CNTLN: variants seen among roughly 807,000 people sequenced by gnomAD.
CNTLN encodes centlein, also known as centlein, centrosomal protein.
A neutral mutation model predicts 180.0 loss-of-function variants in CNTLN; 212 were observed. The ratio of observed to expected loss-of-function variants is 1.18; its 90% CI spans 1.05 to 1.32. The LOEUF (loss-of-function observed/expected upper bound fraction) is 1.32. CNTLN is among the 40% of genes most tolerant of loss of function. The pLI, the probability that CNTLN is intolerant of heterozygous loss-of-function variation, is 0.00. For missense variants in CNTLN, 2,095 were observed against 1,610.9 expected (o/e 1.30, Z -5.14); for synonymous variants, 722 against 563.1 (o/e 1.28, Z -3.99).
At chr9:17,493,242 A>G (rs1047767319) in intron 25 of CNTLN, among the ~76,000 whole-genome samples, 1 of 152,192 alleles carries the variant, frequency 6.6e-6, no homozygotes, top group African/African-American at 2.4e-5. Context: ...TATCATTTCT[A>G]TAACATAAAA....
intron 18 of CNTLN, among the ~76,000 whole-genome samples, chr9:17,419,291 G>T (rs1255080782): frequency 6.6e-6 from 1 of 152,032 alleles, no homozygotes; most frequent in African/African-American, 2.4e-5. Flanking sequence ...ATTTTGAAAT[G>T]CGCTATAGCC....
downstream of CNTLN, among the ~76,000 whole-genome samples, chr9:17,504,533 A>G (rs1833896912): frequency 6.6e-6 from 1 of 152,180 alleles, no homozygotes; most frequent in African/African-American, 2.4e-5. Flanking sequence ...GTGTTACTTT[A>G]TATGTCAAAA....
At chr9:17,136,642 T>C (rs1360153862) in intron 1 of CNTLN, among the ~76,000 whole-genome samples, 1 of 152,218 alleles carries the variant, frequency 6.6e-6, no homozygotes, top group African/African-American at 2.4e-5. Context: ...TGTTGGATTC[T>C]TTTGCCCATT....
chr9:17,226,698 GT>G (rs1328431494), intron 3 of CNTLN, among the ~76,000 whole-genome samples: 2 of 151,846 alleles, frequency 1.3e-5, no homozygotes, highest in Non-Finnish European at 2.9e-5. Context: ...ATATTAGGCT[GT>G]TCTTCCACTG....
At chr9:17,208,545 T>C (rs1823078440) in intron 2 of CNTLN, among the ~76,000 whole-genome samples, 1 of 152,192 alleles carries the variant, frequency 6.6e-6, no homozygotes, top group Non-Finnish European at 1.5e-5. Context: ...TGATTGGTAT[T>C]AGTTCTTTAA....
intron 2 of CNTLN, among the ~76,000 whole-genome samples, chr9:17,185,825 C>T (rs1421121482): frequency 2.4e-5 from 3 of 127,130 alleles, no homozygotes; most frequent in South Asian, 2.7e-4. Context: ...CAGGGTCCTG[C>T]TCTGTTGCCC....
chr9:17,225,403 T>G (rs1824402911), intron 2 of CNTLN, among the ~76,000 whole-genome samples: 1 of 152,086 alleles, frequency 6.6e-6, no homozygotes, highest in South Asian at 2.1e-4. Flanking sequence ...TTTTGTTTAA[T>G]TTGTGATTCT....
At chr9:17,279,373 C>G (rs1231223717) in intron 6 of CNTLN, among the ~76,000 whole-genome samples, 2 of 152,148 alleles carry the variant, frequency 1.3e-5, no homozygotes, top group Non-Finnish European at 2.9e-5. Context: ...CCAGGGCCTT[C>G]CCTATTGCTA....
chr9:17,288,453 G>A (rs972267091), intron 6 of CNTLN, among the ~76,000 whole-genome samples: 1 of 142,412 alleles, frequency 7.0e-6, no homozygotes, highest in East Asian at 2.0e-4. Context: ...TGGAATAGGT[G>A]TGGTGTGGTG....
rs1818207032 is a variant in CNTLN at position 17,299,606 on chromosome 9, T to C, written c.1146+1254T>C. 7.1e-6 allele frequency: 7 copies of C among 985,282 alleles called. No homozygotes were observed. The South Asian group carries it at 3.3e-4, about 46-fold the overall frequency. The allele number at this position is 985,282 out of a possible 1,614,324, so 61.0% of individuals were successfully genotyped here. A position where few individuals can be genotyped will look rare whatever the true frequency, so the allele number is the denominator to read the frequency against. ...TGTGTTTTCCCAAGGACCTAGATGA[T>C]AGCAAGCAGGAAGATACAGTCTTCC... is the stretch of plus-strand genomic sequence containing the variant. On this transcript the variant is annotated intron_variant, in intron 7 of 25. Coordinates refer to ENST00000380647, the MANE Select transcript of CNTLN (RefSeq NM_017738.4).
At chr9:17,495,011 T>G (rs1272019839) in intron 25 of CNTLN, 2 of 432,944 alleles carry the variant, frequency 4.6e-6, no homozygotes, top group South Asian at 3.3e-5. Flanking sequence ...CCTGAGTAGC[T>G]GGGACTACAG....
intron 10 of CNTLN, among the ~76,000 whole-genome samples, chr9:17,338,159 CT>C (rs1564006823): frequency 6.8e-6 from 1 of 147,020 alleles, no homozygotes; most frequent in African/African-American, 2.5e-5. Context: ...TTCTTTCTTT[CT>C]TTTTCTTTCT....
At chr9:17,302,742 C>G (rs1207305893) in intron 7 of CNTLN, among the ~76,000 whole-genome samples, 4 of 152,028 alleles carry the variant, frequency 2.6e-5, no homozygotes, top group African/African-American at 4.8e-5. Flanking sequence ...TTACTCTAGT[C>G]CATTTAATGT....
At chr9:17,473,979 G>A (rs972205058) in intron 23 of CNTLN, among the ~76,000 whole-genome samples, 16 of 152,110 alleles carry the variant, frequency 1.1e-4, no homozygotes, top group South Asian at 6.2e-4. Context: ...ACATCTAGCC[G>A]GTCTTCTCTG....
At chr9:17,175,725 A>G (rs1398254375) in intron 2 of CNTLN, among the ~76,000 whole-genome samples, 1 of 152,074 alleles carries the variant, frequency 6.6e-6, no homozygotes, top group Non-Finnish European at 1.5e-5. Context: ...TTGGGGGAGA[A>G]TTGTTGACTC....
chr9:17,150,695 T>C (rs923133874), intron 2 of CNTLN, among the ~76,000 whole-genome samples: 1 of 152,180 alleles, frequency 6.6e-6, no homozygotes, highest in Non-Finnish European at 1.5e-5. Flanking sequence ...AGAAAGTCAG[T>C]GGTAGCTTGA....
chr9:17,455,038 T>A (rs1831030862), intron 18 of CNTLN, among the ~76,000 whole-genome samples: 1 of 152,234 alleles, frequency 6.6e-6, no homozygotes, highest in Non-Finnish European at 1.5e-5. Context: ...ACAAAAGTTG[T>A]CTCACAGCCT....
chr9:17,257,050 T>C (rs1826549825), intron 5 of CNTLN, among the ~76,000 whole-genome samples: 3 of 152,036 alleles, frequency 2.0e-5, no homozygotes, highest in Non-Finnish European at 2.9e-5. Flanking sequence ...TATGTATACA[T>C]GTGCCATGCT....
intron 2 of CNTLN, among the ~76,000 whole-genome samples, chr9:17,172,978 G>T (rs201984925): frequency 5.1e-4 from 78 of 152,224 alleles, no homozygotes; most frequent in Non-Finnish European, 2.6e-4. Context: ...AAAAAATAAT[G>T]GTTATATCCT....
Sources: allele counts gnomAD v4.1 joint callset (sites outside exome capture counted in the v4.1 genomes callset), GRCh38; gene constraint gnomAD v4.1.1; transcripts MANE v1.5; gene names NCBI Gene and HGNC (gene_info 2026-07-23, HGNC 2026-07-21).